Variants in DNER observed in about 807,000 individuals in gnomAD.
DNER encodes the protein delta/notch like EGF repeat containing.
In DNER, 33 loss-of-function variants were observed where a neutral mutation model predicts 78.2. That is an observed-to-expected ratio of 0.42 (90% CI 0.32 to 0.56). DNER has a LOEUF of 0.56. Among genes scored for constraint, DNER ranks in the 20% least tolerant of loss-of-function variants. The pLI, the probability that DNER is intolerant of heterozygous loss-of-function variation, is 0.11. For missense variants in DNER, 918 were observed against 975.3 expected (o/e 0.94, Z 0.78); for synonymous variants, 417 against 384.8 (o/e 1.08, Z -0.98).
At chr2:229,646,482 A>C (rs1698721232) in intron 1 of DNER, among the ~76,000 whole-genome samples, 1 of 152,248 alleles carries the variant, frequency 6.6e-6, no homozygotes, top group South Asian at 2.1e-4. Context: ...CAAGTACATT[A>C]TGCTTGTGTA....
intron 1 of DNER, among the ~76,000 whole-genome samples, chr2:229,667,762 G>T (rs1443272047): frequency 6.6e-6 from 1 of 152,186 alleles, no homozygotes; most frequent in Non-Finnish European, 1.5e-5. Flanking sequence ...ATAAAACCAT[G>T]TTAAGTTTAT....
At chr2:229,427,348 C>T (rs1248651255) in intron 8 of DNER, among the ~76,000 whole-genome samples, 1 of 152,184 alleles carries the variant, frequency 6.6e-6, no homozygotes, top group East Asian at 1.9e-4. Context: ...ATATTTGCCT[C>T]CTTGATCGAT....
chr2:229,472,383 T>C (rs1347596476), intron 7 of DNER, among the ~76,000 whole-genome samples: 1 of 152,204 alleles, frequency 6.6e-6, no homozygotes, highest in Non-Finnish European at 1.5e-5. Flanking sequence ...ATGTCCTTTA[T>C]TGCTGGAGGC....
chr2:229,463,386 T>A (rs1291330404), intron 7 of DNER, among the ~76,000 whole-genome samples: 1 of 152,224 alleles, frequency 6.6e-6, no homozygotes, highest in East Asian at 1.9e-4. Context: ...AGTCATTAGA[T>A]GTTTTTATTA....
chr2:229,477,890 T>C (rs1438082247), intron 6 of DNER, among the ~76,000 whole-genome samples: 2 of 152,166 alleles, frequency 1.3e-5, no homozygotes, highest in Non-Finnish European at 2.9e-5. Flanking sequence ...GGTAATTTTG[T>C]TGGATTGTAA....
In DNER at chr2:229,359,420, A is replaced by T. The variant is rs139953811; in HGVS notation, c.2103-769T>A. Among the ~76,000 whole-genome samples the T allele has an allele frequency of 9.7e-4, 148 of 152,214 alleles. 1 individual carries two copies. The highest frequency in any genetic ancestry group is 3.5e-3 in the African/African-American group (145 of 41,532). On this transcript the variant is annotated intron_variant, in intron 12 of 12. Transcript: ENST00000341772. Reference sequence around the variant, plus strand: ...GGTGGCAATTATTAAAATAAAGCCAATTCAACTTCTGGGTGGTCTCTTCCC... The same window carrying T: ...GGTGGCAATTATTAAAATAAAGCCATTTCAACTTCTGGGTGGTCTCTTCCC...
chr2:229,623,859 A>C (rs1698292445), intron 1 of DNER, among the ~76,000 whole-genome samples: 1 of 152,212 alleles, frequency 6.6e-6, no homozygotes, highest in Admixed American at 6.5e-5. Flanking sequence ...TCCCTGCTGC[A>C]CACATTCCTC....
intron 6 of DNER, among the ~76,000 whole-genome samples, chr2:229,489,820 T>C (rs931699983): frequency 6.6e-6 from 1 of 151,968 alleles, no homozygotes; most frequent in Non-Finnish European, 1.5e-5. Flanking sequence ...TTCAGCAGGA[T>C]AAGGATGAGG....
At chr2:229,372,281 A>G (rs1174714399) in intron 11 of DNER, among the ~76,000 whole-genome samples, 1 of 152,270 alleles carries the variant, frequency 6.6e-6, no homozygotes, top group East Asian at 1.9e-4. Flanking sequence ...TATGTCTACA[A>G]GGGACGAGCT....
chr2:229,683,836 G>C (rs1699429808), intron 1 of DNER, among the ~76,000 whole-genome samples: 2 of 152,158 alleles, frequency 1.3e-5, no homozygotes, highest in Admixed American at 1.3e-4. Context: ...ATGGGGGCTG[G>C]GGGCTGGGGG....
chr2:229,468,684 C>T (rs1694857854), intron 7 of DNER, among the ~76,000 whole-genome samples: 1 of 152,192 alleles, frequency 6.6e-6, no homozygotes, highest in African/African-American at 2.4e-5. Flanking sequence ...GTCTCCTGCA[C>T]AGCCAGCTCT....
chr2:229,607,777 C>G (rs563302944), intron 1 of DNER, among the ~76,000 whole-genome samples: 74 of 152,174 alleles, frequency 4.9e-4, no homozygotes, highest in African/African-American at 1.7e-3. Flanking sequence ...AATCCCAGCA[C>G]TTTGGGGGGC....
intron 4 of DNER, among the ~76,000 whole-genome samples, chr2:229,584,852 T>A (rs1018688035): frequency 7.1e-6 from 1 of 141,708 alleles, no homozygotes; most frequent in Admixed American, 7.3e-5. Flanking sequence ...GGGAATTGCT[T>A]GAACCTGGGA....
At chr2:229,396,413 A>G (rs1273156949) in intron 10 of DNER, among the ~76,000 whole-genome samples, 1 of 152,232 alleles carries the variant, frequency 6.6e-6, no homozygotes, top group Non-Finnish European at 1.5e-5. Flanking sequence ...CACCTAGTTT[A>G]GAGGCTATTT....
chr2:229,376,694 A>T (rs1692609799), intron 11 of DNER, among the ~76,000 whole-genome samples: 1 of 152,218 alleles, frequency 6.6e-6, no homozygotes, highest in Non-Finnish European at 1.5e-5. Flanking sequence ...TATGTTGAAG[A>T]GTGTGTATAA....
intron 10 of DNER, among the ~76,000 whole-genome samples, chr2:229,395,053 C>A (rs774072017): frequency 6.6e-6 from 1 of 152,028 alleles, no homozygotes; most frequent in Non-Finnish European, 1.5e-5. Context: ...TTTATGGAAC[C>A]GTAAGAGTTA....
At chr2:229,640,320 A>T (rs916645008) in intron 1 of DNER, among the ~76,000 whole-genome samples, 1 of 152,242 alleles carries the variant, frequency 6.6e-6, no homozygotes, top group Non-Finnish European at 1.5e-5. Context: ...CCACTCACGA[A>T]GTCATAGCTT....
chr2:229,620,470 A>G (rs1698233758), intron 1 of DNER, among the ~76,000 whole-genome samples: 1 of 151,860 alleles, frequency 6.6e-6, no homozygotes, highest in African/African-American at 2.4e-5. Flanking sequence ...AGCCATCATC[A>G]CTCCTTCAAG....
intron 1 of DNER, among the ~76,000 whole-genome samples, chr2:229,643,079 T>C (rs1698655736): frequency 2.0e-5 from 3 of 151,990 alleles, no homozygotes; most frequent in Admixed American, 2.0e-4. Flanking sequence ...TACCCAGGCA[T>C]CATAGCATTC....
Sources: gnomAD v4.1 joint callset for allele counts (sites outside exome capture counted in the v4.1 genomes callset) on GRCh38, gnomAD v4.1.1 for gene constraint, MANE v1.5 for transcripts, NCBI Gene and HGNC (gene_info 2026-07-23, HGNC 2026-07-21) for gene names.